Variants in ARHGEF12 observed in about 807,000 individuals in gnomAD.
ARHGEF12 encodes KMT2A/ARHGEF12 fusion protein.
In ARHGEF12, 66 loss-of-function variants were observed where a neutral mutation model predicts 211.2. That is an observed-to-expected ratio of 0.31 (90% CI 0.26 to 0.38). ARHGEF12 has a LOEUF of 0.38. Among genes scored for constraint, ARHGEF12 ranks in the 10% least tolerant of loss-of-function variants. The pLI, the probability that ARHGEF12 is intolerant of heterozygous loss-of-function variation, is 1.00. For synonymous variants in ARHGEF12, 592 were observed against 638.4 expected, an observed-to-expected ratio of 0.93 and a Z score of 1.09; for missense variants, 1,429 against 1,869.5, an observed-to-expected ratio of 0.76 and a Z score of 4.34.
At chr11:120,349,351 T>A (rs1371271541) in intron 1 of ARHGEF12, among the ~76,000 whole-genome samples, 1 of 152,108 alleles carries the variant, frequency 6.6e-6, no homozygotes, top group Non-Finnish European at 1.5e-5. Flanking sequence ...TAATTTTGAC[T>A]CCCTGGCCGA....
chr11:120,441,684 T>G, intron 13 of ARHGEF12, 23 bp from the exon 14 acceptor site: 1 of 1,576,850 alleles, frequency 6.3e-7, no homozygotes, highest in Non-Finnish European at 8.7e-7. Flanking sequence ...GAGTTACTGA[T>G]GCATAATCAT....
At chr11:120,397,822 A>T (rs1473223323) in intron 1 of ARHGEF12, among the ~76,000 whole-genome samples, 1 of 152,216 alleles carries the variant, frequency 6.6e-6, no homozygotes, top group African/African-American at 2.4e-5. Flanking sequence ...TTGATATTTT[A>T]TGAAGTTAAA....
At chr11:120,342,818 G>A (rs1942576776) in intron 1 of ARHGEF12, among the ~76,000 whole-genome samples, 1 of 152,116 alleles carries the variant, frequency 6.6e-6, no homozygotes, top group South Asian at 2.1e-4. Flanking sequence ...TGTAACAAAT[G>A]TTATCAATTC....
intron 15 of ARHGEF12, among the ~76,000 whole-genome samples, chr11:120,444,045 C>G (rs970178892): frequency 3.9e-5 from 6 of 152,140 alleles, no homozygotes; most frequent in Non-Finnish European, 8.8e-5. Context: ...TACTCTCCTA[C>G]CCTGAATATA....
At chr11:120,350,222 G>A (rs996542209) in intron 1 of ARHGEF12, among the ~76,000 whole-genome samples, 1 of 152,176 alleles carries the variant, frequency 6.6e-6, no homozygotes, top group Non-Finnish European at 1.5e-5. Flanking sequence ...GAAGATTAAA[G>A]TGAGAAGTAT....
chr11:120,370,442 T>A (rs1279497207), intron 1 of ARHGEF12, among the ~76,000 whole-genome samples: 1 of 152,228 alleles, frequency 6.6e-6, no homozygotes, highest in Non-Finnish European at 1.5e-5. Context: ...AAAATTTTCA[T>A]CGCTATTCTT....
At chr11:120,430,351 C>T (rs1350067871) in intron 10 of ARHGEF12, among the ~76,000 whole-genome samples, 6 of 152,040 alleles carry the variant, frequency 3.9e-5, no homozygotes, top group African/African-American at 1.4e-4. Context: ...TGTCTGAGGT[C>T]ATATAGCTGC....
chr11:120,383,557 A>G (rs1002932907), intron 1 of ARHGEF12, among the ~76,000 whole-genome samples: 1 of 152,048 alleles, frequency 6.6e-6, no homozygotes, highest in African/African-American at 2.4e-5. Flanking sequence ...CAAGCATTAG[A>G]TTTTCATAAG....
Position 120,429,512 on chromosome 11 carries a change from C to T in ARHGEF12, c.658C>T (p.Leu220=). 3 of 1,613,544 alleles carry T rather than the reference C, an allele frequency of 1.9e-6. No individual in the cohort carries two copies. Among genetic ancestry groups the T allele is most frequent in the Non-Finnish European group, 2.5e-6 (3 of 1,179,786 alleles). ...RKMLQKEQER[L]QLLQEDYNRT... Reference sequence around the variant, plus strand: ...AATGTTACAGAAAGAACAGGAACGGCTACAGGTATTAAATGAGAAGTAGGG... The same window carrying T: ...AATGTTACAGAAAGAACAGGAACGGTTACAGGTATTAAATGAGAAGTAGGG... The change falls in exon 9 of 41, where the codon CTA becomes TTA. Residue 220 remains leucine, a synonymous_variant. Coordinates refer to ENST00000397843, the MANE Select transcript of ARHGEF12 (RefSeq NM_015313.3).
intron 1 of ARHGEF12, among the ~76,000 whole-genome samples, chr11:120,366,926 G>T (rs1943439277): frequency 6.6e-6 from 1 of 152,144 alleles, no homozygotes; most frequent in Non-Finnish European, 1.5e-5. Flanking sequence ...TGAGGCAGGA[G>T]AATTGCTTGA....
chr11:120,451,659 A>G lies in ARHGEF12; in HGVS notation c.1991A>G (p.Asn664Ser), dbSNP rs751647539. 1 of 1,614,096 alleles carries G rather than the reference A, an allele frequency of 6.2e-7. No homozygotes were observed. The highest frequency in any genetic ancestry group is 8.5e-7 in the Non-Finnish European group (1 of 1,180,002). ...EGTDAGYLPANSMSSVASGAS... is the reference protein window; with the variant it reads ...EGTDAGYLPASSMSSVASGAS... ...ACAGACGCTGGATACCTGCCTGCCAATTCCATGTCTTCTGTAGCTTCAGGG... is the reference window on the plus strand; with the variant it reads ...ACAGACGCTGGATACCTGCCTGCCAGTTCCATGTCTTCTGTAGCTTCAGGG... Residue 664 changes from asparagine (N) to serine (S), a missense_variant, in exon 22 of 41, where the codon AAT (asparagine) becomes AGT (serine). Around this residue, in one of 7 missense-constraint regions of ARHGEF12, gnomAD observed 373 missense variants for 467.5 expected, o/e 0.80. Transcript: ENST00000397843.
At chr11:120,347,183 C>CCTTCCTTCCTTCCTTT (rs1555090041) in intron 1 of ARHGEF12, among the ~76,000 whole-genome samples, 4 of 100,318 alleles carry the variant, frequency 4.0e-5, no homozygotes, top group Admixed American at 1.1e-4. Context: ...TTCCTTCCTT[C>CCTTCCTTCCTTCCTTT]CTTTCTTTCT....
intron 37 of ARHGEF12, among the ~76,000 whole-genome samples, chr11:120,478,958 C>T (rs1330471236): frequency 6.6e-6 from 1 of 152,160 alleles, no homozygotes; most frequent in Non-Finnish European, 1.5e-5. Context: ...TTAATCTAGT[C>T]AGAAATAAGA....
intron 3 of ARHGEF12, chr11:120,408,831 T>C (rs1011146309): frequency 1.3e-5 from 2 of 152,074 alleles, no homozygotes; most frequent in African/African-American, 4.8e-5. Context: ...GAGGCTTTGG[T>C]GGTGGGACTA....
At chr11:120,452,422 A>G (rs1451014232) in intron 22 of ARHGEF12, among the ~76,000 whole-genome samples, 1 of 152,118 alleles carries the variant, frequency 6.6e-6, no homozygotes, top group African/African-American at 2.4e-5. Flanking sequence ...AGGCGGTTCA[A>G]TTTCTGGTGG....
intron 1 of ARHGEF12, among the ~76,000 whole-genome samples, chr11:120,357,613 A>G (rs1231110722): frequency 6.6e-6 from 1 of 152,236 alleles, no homozygotes; most frequent in Non-Finnish European, 1.5e-5. Context: ...TCCATCACCC[A>G]GGCTGGATTG....
rs761191704 is a variant in ARHGEF12, at chr11:120,485,039, C to T, written c.4625-28C>T. The T allele has an allele frequency of 4.4e-5, 70 of 1,609,116 alleles. 1 individual carries two copies. The South Asian group carries it at 7.5e-4, about 17-fold the overall frequency. ...GTTAGTATATTCTTTTTCTTAATAT[C>T]ATTTCCATGTATCTTTATTCTTCTC... is the stretch of plus-strand genomic sequence containing the variant. On this transcript the variant is annotated intron_variant, in intron 40 of 40. Transcript: ENST00000397843.
chr11:120,423,053 A>G (rs71484167), intron 6 of ARHGEF12, among the ~76,000 whole-genome samples: 3 of 152,204 alleles, frequency 2.0e-5, no homozygotes, highest in African/African-American at 7.2e-5. Context: ...GAACACTTTT[A>G]AATTATAAGA....
intron 15 of ARHGEF12, 121 bp from the exon 16 acceptor site, chr11:120,445,301 G>A (rs1213940706): frequency 2.2e-6 from 2 of 891,336 alleles, no homozygotes; most frequent in Admixed American, 1.8e-5. Flanking sequence ...AAATGAGCTT[G>A]TACTTGATTG....
Sources: allele counts gnomAD v4.1 joint callset (sites outside exome capture counted in the v4.1 genomes callset), GRCh38; gene constraint gnomAD v4.1.1; regional missense constraint gnomAD v4.1.1; transcripts MANE v1.5; gene names NCBI Gene and HGNC (gene_info 2026-07-23, HGNC 2026-07-21).